Variants in MYT1L observed in about 807,000 individuals in gnomAD.
MYT1L encodes myelin transcription factor 1-like protein.
Under a neutral mutation model 126.7 loss-of-function variants are expected in MYT1L, and 12 were observed. That is an observed-to-expected ratio of 0.09 (90% confidence interval 0.06 to 0.15). The LOEUF (loss-of-function observed/expected upper bound fraction) is 0.15. Among genes scored for constraint, MYT1L ranks in the 10% least tolerant of loss-of-function variants. MYT1L has a pLI of 1.00. For synonymous variants in MYT1L, 541 were observed against 604.2 expected, an observed-to-expected ratio of 0.90 and a Z score of 1.53; for missense variants, 979 against 1,585.2, an observed-to-expected ratio of 0.62 and a Z score of 6.49.
chr2:2,072,640 T>C (rs975218221), intron 3 of MYT1L, among the ~76,000 whole-genome samples: 2 of 152,166 alleles, frequency 1.3e-5, no homozygotes, highest in African/African-American at 4.8e-5. Flanking sequence ...GATCTCCAAT[T>C]GTAATCCCCA....
intron 18 of MYT1L, among the ~76,000 whole-genome samples, chr2:1,885,013 C>T (rs547957094): frequency 3.3e-5 from 5 of 152,342 alleles, no homozygotes; most frequent in Admixed American, 6.5e-5. Context: ...CCAAAGAAAA[C>T]GAATCCCTGC....
chr2:1,829,348 C>A (rs1181617019), intron 21 of MYT1L, among the ~76,000 whole-genome samples: 1 of 52,796 alleles, frequency 1.9e-5, no homozygotes, highest in African/African-American at 7.7e-5. Context: ...TGTGAACTGA[C>A]CCTCCCATAC....
chr2:2,313,784 T>C (rs2096016456), intron 1 of MYT1L, among the ~76,000 whole-genome samples: 1 of 152,188 alleles, frequency 6.6e-6, no homozygotes, highest in African/African-American at 2.4e-5. Flanking sequence ...TTGATCTTAG[T>C]CTAGAAGCAT....
At chr2:2,014,880 G>A (rs1313516940) in intron 4 of MYT1L, among the ~76,000 whole-genome samples, 1 of 152,204 alleles carries the variant, frequency 6.6e-6, no homozygotes, top group Non-Finnish European at 1.5e-5. Flanking sequence ...GCTAGAGAGT[G>A]TGCCAGAAAG....
intron 2 of MYT1L, among the ~76,000 whole-genome samples, chr2:2,236,756 CTT>C (rs2094319020): frequency 6.8e-6 from 1 of 146,712 alleles, no homozygotes. Context: ...ATTGGTTGTC[CTT>C]TCTTCTTCTT....
chr2:2,047,350 C>T (rs949951985), intron 4 of MYT1L, among the ~76,000 whole-genome samples: 4 of 152,182 alleles, frequency 2.6e-5, no homozygotes, highest in African/African-American at 9.7e-5. Flanking sequence ...TTAACGCTAA[C>T]ATGATTTTTA....
At chr2:1,799,156 G>A (rs2034362393) in intron 23 of MYT1L, among the ~76,000 whole-genome samples, 1 of 152,234 alleles carries the variant, frequency 6.6e-6, no homozygotes, top group Non-Finnish European at 1.5e-5. Flanking sequence ...AGCCGAGTCA[G>A]TGAGAATAAA....
At position 1,832,902 on chromosome 2, in the gene MYT1L, T is replaced by C. The variant is rs13385216; in HGVS notation, c.3080+6247A>G. Among the ~76,000 whole-genome samples the C allele has an allele frequency of 7.9e-3, 1,202 of 152,350 alleles. 17 individuals are homozygous for C. The highest frequency in any genetic ancestry group is 0.027 in the African/African-American group (1,138 of 41,570). The stretch of plus-strand genomic sequence containing the variant: ...CTTCACCCCAGTCCACAGCATTCTC[T>C]AAAAGATGGTCTCTTCTCTCCTCTA... On this transcript the variant is annotated intron_variant, in intron 21 of 24. Coordinates refer to ENST00000647738, the MANE Select transcript of MYT1L (RefSeq NM_001303052.2).
intron 8 of MYT1L, among the ~76,000 whole-genome samples, chr2:1,966,120 C>T (rs2059334641): frequency 6.6e-6 from 1 of 152,240 alleles, no homozygotes; most frequent in African/African-American, 2.4e-5. Flanking sequence ...TTCTGCCTGG[C>T]AGGAAGCATC....
intron 18 of MYT1L, among the ~76,000 whole-genome samples, chr2:1,862,873 G>C (rs1392604758): frequency 5.9e-5 from 9 of 152,120 alleles, no homozygotes; most frequent in African/African-American, 1.9e-4. Flanking sequence ...GAAGGAGAGA[G>C]GTGAGTAGGG....
intron 21 of MYT1L, among the ~76,000 whole-genome samples, chr2:1,836,286 C>T (rs1284632863): frequency 6.6e-6 from 1 of 151,234 alleles, no homozygotes; most frequent in East Asian, 1.9e-4. Context: ...CAGCCTGCCC[C>T]CAATACTCCA....
rs374989338 is a variant in MYT1L at position 1,838,593 on chromosome 2, C to T, written c.3080+556G>A. The stretch of plus-strand genomic sequence containing the variant: ...ACGGGTCCCATCCCAGGTCTTCACT[C>T]CCCGCAGAGGGACCGACTGCACAAT... On this transcript the variant is annotated intron_variant, in intron 21 of 24. Transcript: ENST00000647738. Among the ~76,000 whole-genome samples, 223 of 152,304 alleles carry T rather than the reference C, an allele frequency of 1.5e-3. 3 individuals are homozygous for T. The highest frequency in any genetic ancestry group is 5.1e-3 in the African/African-American group (213 of 41,574).
chr2:1,892,833 C>T, intron 14 of MYT1L, among the ~76,000 whole-genome samples: 1 of 152,220 alleles, frequency 6.6e-6, no homozygotes, highest in South Asian at 2.1e-4. Context: ...ACCTTCTGGG[C>T]CTGTGGGGAC....
intron 2 of MYT1L, among the ~76,000 whole-genome samples, chr2:2,181,240 ATCTG>A (rs1291036366): frequency 6.6e-6 from 1 of 151,200 alleles, no homozygotes; most frequent in Non-Finnish European, 1.5e-5. Context: ...ACCTGTGTAT[ATCTG>A]TGTGTGCACA....
At chr2:2,205,276 TA>T (rs199676083) in intron 2 of MYT1L, among the ~76,000 whole-genome samples, 1 of 151,986 alleles carries the variant, frequency 6.6e-6, no homozygotes, top group Non-Finnish European at 1.5e-5. Context: ...ATAATAAAAT[TA>T]AAAAAACTAT....
chr2:1,958,794 C>T (rs547606232), intron 8 of MYT1L, among the ~76,000 whole-genome samples: 1 of 151,608 alleles, frequency 6.6e-6, no homozygotes, highest in Non-Finnish European at 1.5e-5. Flanking sequence ...CTGGCCCAAC[C>T]GACTGCAGAG....
At chr2:2,274,426 C>T (rs2095321569) in intron 2 of MYT1L, among the ~76,000 whole-genome samples, 1 of 152,032 alleles carries the variant, frequency 6.6e-6, no homozygotes, top group African/African-American at 2.4e-5. Flanking sequence ...ACTCAAATGT[C>T]ATTGGAATTT....
chr2:1,942,864 A>G (rs1313754833), intron 9 of MYT1L, 118 bp downstream of exon 9: 1 of 1,342,092 alleles, frequency 7.5e-7, no homozygotes, highest in East Asian at 2.5e-5. Flanking sequence ...TTTTCTCAGT[A>G]TTGACCAAGA....
rs148631202 is a variant in MYT1L at position 2,109,466 on chromosome 2, G to T, written c.-303-55343C>A. On this transcript the variant is annotated intron_variant, in intron 3 of 24. Coordinates refer to ENST00000647738, the MANE Select transcript of MYT1L (RefSeq NM_001303052.2). The stretch of plus-strand genomic sequence containing the variant: ...ACCAGGAAAGGGATGGAATGTCGCA[G>T]CACAAGGCACCTGCCGGGCCTCAGA... Among the ~76,000 whole-genome samples the T allele has an allele frequency of 6.6e-4, 101 of 152,188 alleles. 1 individual carries two copies. Among genetic ancestry groups the T allele is most frequent in the Admixed American group, 1.1e-3 (17 of 15,284 alleles).
Sources: allele counts gnomAD v4.1 joint callset (sites outside exome capture counted in the v4.1 genomes callset), GRCh38; gene constraint gnomAD v4.1.1; transcripts MANE v1.5; gene names NCBI Gene and HGNC (gene_info 2026-07-23, HGNC 2026-07-21).